CSMD2: variants seen among roughly 807,000 people sequenced by gnomAD.
The protein encoded by CSMD2 is CUB and Sushi multiple domains 2.
Under a neutral mutation model 398.5 loss-of-function variants are expected in CSMD2, and 130 were observed. That is an observed-to-expected ratio of 0.33 (90% CI 0.28 to 0.38). CSMD2 has a LOEUF of 0.38. CSMD2 is among the 10% of genes least tolerant of loss of function. CSMD2 has a pLI of 1.00. For missense variants in CSMD2, 3,829 were observed against 4,764.9 expected (o/e 0.80, Z 5.78); for synonymous variants, 1,828 against 1,908.5 (o/e 0.96, Z 1.10).
At chr1:34,100,698 T>C (rs1484871649) in intron 1 of CSMD2, among the ~76,000 whole-genome samples, 1 of 152,258 alleles carries the variant, frequency 6.6e-6, no homozygotes, top group Admixed American at 6.5e-5. Context: ...ATGGTTATAC[T>C]AGAATTTAGT....
intron 64 of CSMD2, among the ~76,000 whole-genome samples, chr1:33,528,240 T>C (rs1411822019): frequency 6.6e-6 from 1 of 152,220 alleles, no homozygotes; most frequent in Admixed American, 6.5e-5. Context: ...TGCCTCCTCA[T>C]TTGAAACCTG....
rs534878110 is a variant in CSMD2 at position 33,825,687 on chromosome 1, G to C, written c.1111+10C>G. On this transcript the variant is annotated intron_variant, in intron 7 of 70. Transcript: ENST00000373381. ...AGGCCCGGCAGGCGGGCTGGCGGGC[G>C]GACACTTACACACAGACGTCTTCTG... is the stretch of plus-strand genomic sequence containing the variant. 1 of 1,592,788 alleles carries C rather than the reference G, an allele frequency of 6.3e-7. No individual in the cohort carries two copies. The highest frequency in any genetic ancestry group is 8.5e-7 in the Non-Finnish European group (1 of 1,169,674).
chr1:33,809,769 T>C (rs1021983102), intron 10 of CSMD2, among the ~76,000 whole-genome samples: 5 of 152,134 alleles, frequency 3.3e-5, no homozygotes, highest in Admixed American at 1.3e-4. Flanking sequence ...TGACTATCCA[T>C]GTAGAAAAGC....
At chr1:33,877,800 G>A (rs145575154) in intron 5 of CSMD2, among the ~76,000 whole-genome samples, 4 of 152,006 alleles carry the variant, frequency 2.6e-5, no homozygotes, top group East Asian at 1.9e-4. Context: ...AGTTAATGTC[G>A]AAGATATGCC....
chr1:33,557,841 C>A lies in CSMD2; in HGVS notation c.8636G>T (p.Gly2879Val). The A allele has an allele frequency of 6.5e-7, 1 of 1,536,088 alleles. No homozygotes were observed. The highest frequency in any genetic ancestry group is 1.2e-5 in the South Asian group (1 of 84,046). ...HASGPHRFSF[G>V]TTVSYRCNHG... ...GTTGCACCGGTAAGACACAGTGGTGCCGAAGCTGAACCTGTGCGGGCCGCT... is the reference window on the plus strand; with the variant it reads ...GTTGCACCGGTAAGACACAGTGGTGACGAAGCTGAACCTGTGCGGGCCGCT... The change falls in exon 55 of 71, where the codon GGC becomes GTC. Residue 2879 changes from glycine (G) to valine (V), a missense_variant. By Grantham distance (109) the Gly-to-Val change is moderately radical. Transcript: ENST00000373381.
At chr1:33,846,662 C>A (rs538101094) in intron 6 of CSMD2, among the ~76,000 whole-genome samples, 1 of 152,200 alleles carries the variant, frequency 6.6e-6, no homozygotes, top group Non-Finnish European at 1.5e-5. Context: ...ATGTGAGGGG[C>A]AGCTCCAGCT....
In CSMD2 at chr1:33,559,181, T is replaced by A; in HGVS notation, c.8554+119A>T. 1.1e-6 allele frequency: 1 copy of A among 903,994 alleles called. No individual in the cohort carries two copies. The highest frequency in any genetic ancestry group is 1.6e-6 in the Non-Finnish European group (1 of 614,590). The allele number at this position is 903,994 out of a possible 1,614,324, so 56.0% of individuals were successfully genotyped here. On this transcript the variant is annotated intron_variant, in intron 54 of 70. Coordinates refer to ENST00000373381, the MANE Select transcript of CSMD2 (RefSeq NM_001281956.2). This position sits in a 1 kb window ranked among gnomAD's most constrained non-coding sequence, Gnocchi z 4.0. ...TCATTTATGACCCTTCTCTGCTCCA[T>A]CTTCCCTATCTGGATCAGAATGATG...
chr1:33,985,262 G>A (rs1317348731), intron 3 of CSMD2, among the ~76,000 whole-genome samples: 1 of 152,202 alleles, frequency 6.6e-6, no homozygotes, highest in Non-Finnish European at 1.5e-5. Flanking sequence ...CCCTCCCTGG[G>A]AAGTAGTCAC....
At chr1:34,149,358 C>G (rs1335521148) in intron 1 of CSMD2, among the ~76,000 whole-genome samples, 30 of 152,172 alleles carry the variant, frequency 2.0e-4, no homozygotes, top group Admixed American at 2.0e-3. Flanking sequence ...TTCCTCATCT[C>G]CCGGCTGGCT....
chr1:33,605,016 T>A (rs1392545083), intron 42 of CSMD2, among the ~76,000 whole-genome samples: 1 of 152,134 alleles, frequency 6.6e-6, no homozygotes, highest in Non-Finnish European at 1.5e-5. Flanking sequence ...TCAGGGTGGA[T>A]CTTCCCAAGG....
At position 34,083,080 on chromosome 1, in the gene CSMD2, T is replaced by A. The variant is rs994398828; in HGVS notation, c.404+5897A>T. On this transcript the variant is annotated intron_variant, in intron 2 of 70. Transcript: ENST00000373381. Reference sequence around the variant, plus strand: ...GAATGATCAATAAATACTAAAAAAATTAAAAAAAAAAAAAAAGAAATCAAG... The same window carrying A: ...GAATGATCAATAAATACTAAAAAAAATAAAAAAAAAAAAAAAGAAATCAAG... Among the ~76,000 whole-genome samples the A allele has an allele frequency of 2.0e-4, 27 of 135,124 alleles. 1 individual carries two copies. The highest frequency in any genetic ancestry group is 3.6e-3 in the Middle Eastern group (1 of 280). The allele number at this position is 135,124 out of a possible 152,430, so 88.6% of individuals were successfully genotyped here. A position where few individuals can be genotyped will look rare whatever the true frequency, so the allele number is the denominator to read the frequency against.
chr1:34,057,981 G>A (rs1217377924), intron 2 of CSMD2, among the ~76,000 whole-genome samples: 1 of 152,208 alleles, frequency 6.6e-6, no homozygotes, highest in Non-Finnish European at 1.5e-5. Context: ...TTTCTGGCAG[G>A]CTTGGCTTCT....
intron 3 of CSMD2, among the ~76,000 whole-genome samples, chr1:33,950,243 G>A (rs1164254250): frequency 6.6e-6 from 1 of 152,022 alleles, no homozygotes; most frequent in Non-Finnish European, 1.5e-5. Context: ...TCCTAAAAGC[G>A]CTTCAGTTGG....
intron 10 of CSMD2, among the ~76,000 whole-genome samples, chr1:33,809,659 T>C (rs1165114242): frequency 6.6e-6 from 1 of 151,994 alleles, no homozygotes; most frequent in Non-Finnish European, 1.5e-5. Context: ...TTTGATGTTA[T>C]ACTGGGAGGT....
rs1553219361 is a variant in CSMD2 at position 33,820,575 on chromosome 1, A to AC, written c.1112-20_1112-19insG. 30 of 1,170,366 alleles carry AC rather than the reference A, an allele frequency of 2.6e-5. No individual in the cohort carries two copies. In the South Asian group the frequency reaches 2.9e-4, roughly 11 times the overall value. The allele number at this position is 1,170,366 out of a possible 1,614,324, so 72.5% of individuals were successfully genotyped here. A position where few individuals can be genotyped will look rare whatever the true frequency, so the allele number is the denominator to read the frequency against. On this transcript the variant is annotated intron_variant, in intron 7 of 70. Transcript: ENST00000373381. ...TGAGTTACTACAAGGCAAAAAAAAA[A>AC]AAAAAAAAAAAAACAGCACACACAG...
intron 5 of CSMD2, chr1:33,862,568 A>C (rs903542444): frequency 6.6e-6 from 1 of 152,202 alleles, no homozygotes; most frequent in Admixed American, 6.6e-5. Context: ...GCCAGGGGGA[A>C]AAAGGCTACC....
chr1:33,731,745 C>A (rs1320751055), intron 15 of CSMD2, among the ~76,000 whole-genome samples: 3 of 152,164 alleles, frequency 2.0e-5, no homozygotes, highest in African/African-American at 7.2e-5. Flanking sequence ...AAAATACTAT[C>A]AAAGAACGTA....
At chr1:33,818,179 T>C (rs1657690367) in intron 9 of CSMD2, among the ~76,000 whole-genome samples, 1 of 152,248 alleles carries the variant, frequency 6.6e-6, no homozygotes, top group South Asian at 2.1e-4. Flanking sequence ...AAACGACAGA[T>C]GGGCAGGGTC....
intron 3 of CSMD2, among the ~76,000 whole-genome samples, chr1:33,989,035 T>C (rs61771364): frequency 0.015 from 602 of 40,610 alleles, 12 homozygotes; most frequent in South Asian, 0.068. Flanking sequence ...TATATATATA[T>C]ATATATATAT....
Sources: allele counts gnomAD v4.1 joint callset (sites outside exome capture counted in the v4.1 genomes callset), GRCh38; gene constraint gnomAD v4.1.1; non-coding constraint Gnocchi (gnomAD v3.1); transcripts MANE v1.5; gene names NCBI Gene and HGNC (gene_info 2026-07-23, HGNC 2026-07-21).